The following NUP205 variants were observed in gnomAD, a reference collection of about 807,000 sequenced individuals.
The protein encoded by NUP205 is nucleoporin 205, also known as nuclear pore complex protein Nup205.
Under a neutral mutation model 253.8 loss-of-function variants are expected in NUP205, and 76 were observed. That is an observed-to-expected ratio of 0.30 (90% CI 0.25 to 0.36). The LOEUF is 0.36. Among genes scored for constraint, NUP205 ranks in the 10% least tolerant of loss-of-function variants. The probability of loss-of-function intolerance (pLI) is 1.00; values close to 1 mark genes in which losing one functional copy is unlikely to be tolerated. For missense variants in NUP205, 2,162 were observed against 2,425.5 expected (o/e 0.89, Z 2.28); for synonymous variants, 832 against 850.1 (o/e 0.98, Z 0.37).
chr7:135,619,941 A>C, intron 30 of NUP205, 53 bp downstream of exon 30: 1 of 1,169,062 alleles, frequency 8.6e-7, no homozygotes, highest in Non-Finnish European at 1.3e-6. Context: ...GGTTACTTTA[A>C]ATTGAAAAAA....
At position 135,615,907 on chromosome 7, in the gene NUP205, A is replaced by G; in HGVS notation, c.3311-9A>G. The stretch of plus-strand genomic sequence containing the variant: ...TCTGGGAAACAAAATTTACATGTTT[A>G]AATTCTAGAATATGAAATATCTATG... On this transcript the variant is annotated splice_polypyrimidine_tract_variant and intron_variant, in intron 23 of 42. Transcript: ENST00000285968. 5 of 1,600,482 alleles carry G rather than the reference A, an allele frequency of 3.1e-6. No individual in the cohort carries two copies. The highest frequency in any genetic ancestry group is 4.3e-6 in the Non-Finnish European group (5 of 1,173,474).
chr7:135,611,879 C>G (rs1794247681), intron 22 of NUP205, among the ~76,000 whole-genome samples: 1 of 152,154 alleles, frequency 6.6e-6, no homozygotes, highest in South Asian at 2.1e-4. Flanking sequence ...CTTTGGGAGG[C>G]TGAGGCGGGT....
chr7:135,602,053 A>G (rs1793977986), intron 17 of NUP205, among the ~76,000 whole-genome samples: 2 of 152,268 alleles, frequency 1.3e-5, no homozygotes, highest in Admixed American at 1.3e-4. Flanking sequence ...GGCTTTCCCT[A>G]TCAAGTGTGG....
chr7:135,615,907 A>C lies in NUP205; in HGVS notation c.3311-9A>C, dbSNP rs1251310808. 1.2e-6 allele frequency: 2 copies of C among 1,600,364 alleles called. No individual in the cohort carries two copies. The highest frequency in any genetic ancestry group is 2.2e-5 in the East Asian group (1 of 44,454). On this transcript the variant is annotated splice_polypyrimidine_tract_variant and intron_variant, in intron 23 of 42. Transcript: ENST00000285968. ...TCTGGGAAACAAAATTTACATGTTTAAATTCTAGAATATGAAATATCTATG... is the reference window on the plus strand; with the variant it reads ...TCTGGGAAACAAAATTTACATGTTTCAATTCTAGAATATGAAATATCTATG...
rs1795062917 is a variant in NUP205, at chr7:135,648,698, C to T, written c.*142C>T. 1 of 523,620 alleles carries T rather than the reference C, an allele frequency of 1.9e-6. No individual in the cohort carries two copies. The highest frequency in any genetic ancestry group is 3.1e-6 in the Non-Finnish European group (1 of 326,234). The allele number at this position is 523,620 out of a possible 1,614,324, so 32.4% of individuals were successfully genotyped here. Reference sequence around the variant, plus strand: ...ATATGGACATCTTTTCTGTAAACTTCTTCCCCTAGTTCCATCCTCACTAGT... The same window carrying T: ...ATATGGACATCTTTTCTGTAAACTTTTTCCCCTAGTTCCATCCTCACTAGT... On this transcript the variant is annotated 3_prime_UTR_variant, in exon 43 of 43. Transcript: ENST00000285968.
At position 135,594,623 on chromosome 7, in the gene NUP205, G is replaced by A; in HGVS notation, c.1907G>A (p.Cys636Tyr). The A allele has an allele frequency of 6.2e-7, 1 of 1,613,752 alleles. No individual in the cohort carries two copies. Among genetic ancestry groups the A allele is most frequent in the Non-Finnish European group, 8.5e-7 (1 of 1,179,808 alleles). Residue 636 changes from cysteine to tyrosine, a missense_variant, in exon 13 of 43, where the codon TGC (cysteine) becomes TAC (tyrosine). Cys to Tyr is a radical substitution (Grantham distance 194). Coordinates refer to ENST00000285968, the MANE Select transcript of NUP205 (RefSeq NM_015135.3). ...PVVVILGLLQCSIPPVLKAEL... is the reference protein window; with the variant it reads ...PVVVILGLLQYSIPPVLKAEL... Reference sequence around the variant, plus strand: ...GTGGTGATTCTGGGACTCCTCCAATGCAGTATTCCCCCTGTCCTAAAAGCT... The same window carrying A: ...GTGGTGATTCTGGGACTCCTCCAATACAGTATTCCCCCTGTCCTAAAAGCT...
rs1176634716 is a variant in NUP205 at position 135,635,654 on chromosome 7, C to T, written c.5133C>T (p.Phe1711=). The T allele has an allele frequency of 1.3e-6, 2 of 1,554,742 alleles. No individual in the cohort carries two copies. Among genetic ancestry groups the T allele is most frequent in the Non-Finnish European group, 1.8e-6 (2 of 1,131,312 alleles). The change falls in exon 36 of 43, where the codon TTC becomes TTT. Residue 1711 remains phenylalanine, a synonymous_variant. Transcript: ENST00000285968. The part of the protein sequence containing the change: ...LMELQGHIGR[F]QRQCLGLLSR... Reference sequence around the variant, plus strand: ...AGCTACAGGGACATATTGGAAGATTCCAGGTAACTGATTCTTATTTCTTTA... The same window carrying T: ...AGCTACAGGGACATATTGGAAGATTTCAGGTAACTGATTCTTATTTCTTTA...
In NUP205 at chr7:135,648,493, A is replaced by G. The variant is rs374471933; in HGVS notation, c.5976A>G (p.Arg1992=). Residue 1992 remains arginine, a synonymous_variant, in exon 43 of 43, where the codon CGA becomes CGG. Coordinates refer to ENST00000285968, the MANE Select transcript of NUP205 (RefSeq NM_015135.3). Reference sequence around the variant, plus strand: ...GATTATATTCAAAAGTTCGATCTCGATATAGTTTCATACAGGCTCTTGTCA... The same window carrying G: ...GATTATATTCAAAAGTTCGATCTCGGTATAGTTTCATACAGGCTCTTGTCA... ...IEGLYSKVRS[R]YSFIQALVRR... The G allele has an allele frequency of 1.4e-5, 23 of 1,606,754 alleles. No homozygotes were observed. The highest frequency in any genetic ancestry group is 1.7e-5 in the Non-Finnish European group (20 of 1,177,814).
At chr7:135,636,353 A>C (rs937002423) in intron 36 of NUP205, among the ~76,000 whole-genome samples, 1 of 152,104 alleles carries the variant, frequency 6.6e-6, no homozygotes, top group Non-Finnish European at 1.5e-5. Context: ...AAATGCTACT[A>C]TTAGCATTTT....
intron 3 of NUP205, among the ~76,000 whole-genome samples, chr7:135,575,578 C>T (rs1030588253): frequency 1.3e-5 from 2 of 152,148 alleles, no homozygotes; most frequent in African/African-American, 2.4e-5. Flanking sequence ...AGGTGGATCA[C>T]GAGGTCAGGA....
chr7:135,606,167 C>G lies in NUP205; in HGVS notation c.2846C>G (p.Ala949Gly). The change falls in exon 20 of 43, where the codon GCT becomes GGT. Residue 949 changes from alanine to glycine, a missense_variant. Transcript: ENST00000285968. ...HDQSISQKLM[A>G]GFVECLDCED... Reference sequence around the variant, plus strand: ...CAGAGTATAAGTCAGAAACTAATGGCTGGATTTGTGGAGTGTTTGGATTGT... The same window carrying G: ...CAGAGTATAAGTCAGAAACTAATGGGTGGATTTGTGGAGTGTTTGGATTGT... 6.2e-7 allele frequency: 1 copy of G among 1,612,142 alleles called. No homozygotes were observed. The highest frequency in any genetic ancestry group is 8.5e-7 in the Non-Finnish European group (1 of 1,178,624).
At chr7:135,567,126 G>GTGTA (rs1312661616) in intron 1 of NUP205, among the ~76,000 whole-genome samples, 1 of 5,364 alleles carries the variant, frequency 1.9e-4, no homozygotes, top group African/African-American at 3.7e-4. Flanking sequence ...CAGTCTATGT[G>GTGTA]TGTATATATA....
chr7:135,592,042 A>G (rs1187528643), intron 11 of NUP205, among the ~76,000 whole-genome samples: 1 of 152,182 alleles, frequency 6.6e-6, no homozygotes, highest in Non-Finnish European at 1.5e-5. Flanking sequence ...TGTAAAAGGG[A>G]AAAGAAATTA....
chr7:135,594,626 G>A lies in NUP205; in HGVS notation c.1910G>A (p.Ser637Asn). The A allele has an allele frequency of 6.2e-7, 1 of 1,613,844 alleles. No individual in the cohort carries two copies. Among genetic ancestry groups the A allele is most frequent in the Non-Finnish European group, 8.5e-7 (1 of 1,179,828 alleles). ...VVVILGLLQC[S>N]IPPVLKAELL... is the part of the protein sequence containing the mutation. ...GTGATTCTGGGACTCCTCCAATGCA[G>A]TATTCCCCCTGTCCTAAAAGCTGAG... The change falls in exon 13 of 43, where the codon AGT (serine) becomes AAT (asparagine). Residue 637 changes from serine to asparagine, a missense_variant. Physicochemically the swap from Ser to Asn is conservative, Grantham distance 46 (BLOSUM62 1). Around this residue, in one of 5 missense-constraint regions of NUP205, gnomAD observed 892 missense variants for 957.1 expected, o/e 0.93. Coordinates refer to ENST00000285968, the MANE Select transcript of NUP205 (RefSeq NM_015135.3).
chr7:135,584,790 T>C, intron 7 of NUP205, 42 bp from the exon 8 acceptor site: 1 of 1,568,434 alleles, frequency 6.4e-7, no homozygotes, highest in South Asian at 1.1e-5. Context: ...TCTGGGTTAA[T>C]GACTTTTCCT....
intron 35 of NUP205, among the ~76,000 whole-genome samples, chr7:135,631,835 C>G (rs926328785): frequency 4.6e-5 from 7 of 151,714 alleles, no homozygotes; most frequent in Non-Finnish European, 1.0e-4. Flanking sequence ...CTGCAAGCTC[C>G]GCCTCCCCGA....
intron 41 of NUP205, 129 bp from the exon 42 acceptor site, chr7:135,646,029 A>G: frequency 1.5e-6 from 1 of 661,564 alleles, no homozygotes; most frequent in Non-Finnish European, 2.6e-6. Flanking sequence ...AAAAGTTGAA[A>G]ATTGAGTTCC....
At position 135,626,310 on chromosome 7, in the gene NUP205, G is replaced by A; in HGVS notation, c.4742G>A (p.Arg1581Lys). ...LELLRSGVIV[R>K]LAQCQVYDMR... The stretch of plus-strand genomic sequence containing the variant: ...CTGCTAAGATCAGGGGTGATTGTGA[G>A]ACTAGCTCAATGCCAAGTCTATGAC... Residue 1581 changes from arginine (R) to lysine (K), a missense_variant, in exon 33 of 43, where the codon AGA (arginine) becomes AAA (lysine). Physicochemically the swap from Arg to Lys is conservative, Grantham distance 26 (BLOSUM62 2). Coordinates refer to ENST00000285968, the MANE Select transcript of NUP205 (RefSeq NM_015135.3). 2 of 1,614,146 alleles carry A rather than the reference G, an allele frequency of 1.2e-6. No homozygotes were observed. Among genetic ancestry groups the A allele is most frequent in the Non-Finnish European group, 1.7e-6 (2 of 1,180,012 alleles).
chr7:135,628,219 T>C (rs766901144), intron 34 of NUP205, 108 bp downstream of exon 34: 116 of 1,065,078 alleles, frequency 1.1e-4, no homozygotes, highest in Non-Finnish European at 1.5e-4. Flanking sequence ...TTAGTCCTAA[T>C]GTTTGTGGCA....
Sources: allele counts gnomAD v4.1 joint callset (sites outside exome capture counted in the v4.1 genomes callset), GRCh38; gene constraint gnomAD v4.1.1; regional missense constraint gnomAD v4.1.1; transcripts MANE v1.5; gene names NCBI Gene and HGNC (gene_info 2026-07-23, HGNC 2026-07-21).